Variants in CLCN5 observed in about 807,000 individuals in gnomAD.
CLCN5 encodes Cl-/H+ antiporter 5, also known as H(+)/Cl(-) exchange transporter 5.
CLCN5 carries 17 observed loss-of-function variants against 54.0 expected under a neutral mutation model. That is an observed-to-expected ratio of 0.31 (90% CI 0.22 to 0.47). The LOEUF is 0.47. CLCN5 is among the 20% of genes least tolerant of loss of function. The probability of loss-of-function intolerance (pLI) is 1.00; values close to 1 mark genes in which losing one functional copy is unlikely to be tolerated. For missense variants in CLCN5, 448 were observed against 646.7 expected, an observed-to-expected ratio of 0.69 and a Z score of 3.33; for synonymous variants, 222 against 233.0, an observed-to-expected ratio of 0.95 and a Z score of 0.43.
chrX:50,053,241 T>A (rs782704997), intron 4 of CLCN5, among the ~76,000 whole-genome samples: 36 of 111,581 alleles, frequency 3.2e-4, no homozygotes, highest in Admixed American at 6.7e-4. Flanking sequence ...CTCTTCAGAT[T>A]TTTCTGTTTC....
chrX:50,094,816 C>G lies in CLCN5; in HGVS notation c.*2597C>G, dbSNP rs1279540937. On this transcript the variant is annotated 3_prime_UTR_variant, in exon 15 of 15. Coordinates refer to ENST00000376091, the MANE Select transcript of CLCN5 (RefSeq NM_001127898.4). ...ATGGTATATGGTATCCACTATATGT[C>G]CAGTCCTATGGTTTGGCTCAAAGGT... The G allele has an allele frequency of 4.4e-5, 5 of 112,585 alleles. No individual in the cohort carries two copies. Among genetic ancestry groups the G allele is most frequent in the African/African-American group, 1.3e-4 (4 of 30,929 alleles). 9.3% of individuals were successfully genotyped at this position (112,585 alleles called of 1,213,427 possible).
intron 3 of CLCN5, among the ~76,000 whole-genome samples, chrX:49,933,258 A>T (rs1391060302): frequency 2.7e-5 from 3 of 112,255 alleles, no homozygotes; most frequent in African/African-American, 9.7e-5. Context: ...AATTTAAAAA[A>T]TTTAAAAAGA....
intron 3 of CLCN5, among the ~76,000 whole-genome samples, chrX:49,980,120 A>G (rs537265778): frequency 1.2e-3 from 131 of 111,219 alleles, no homozygotes; most frequent in Middle Eastern, 9.3e-3. Context: ...ATGCTGAATT[A>G]TATGTCTATA....
At chrX:49,990,933 C>T (rs1929227855) in intron 3 of CLCN5, among the ~76,000 whole-genome samples, 1 of 112,302 alleles carries the variant, frequency 8.9e-6, no homozygotes, top group Admixed American at 9.4e-5. Context: ...ATGTATATGC[C>T]ACATTTTCTT....
intron 3 of CLCN5, among the ~76,000 whole-genome samples, chrX:49,998,349 T>C (rs1929630977): frequency 9.0e-6 from 1 of 111,601 alleles, no homozygotes; most frequent in Non-Finnish European, 1.9e-5. Flanking sequence ...CACAGGAATA[T>C]ATACTTAATG....
chrX:49,923,857 C>T (rs1925195327), intron 2 of CLCN5: 1 of 112,362 alleles, frequency 8.9e-6, no homozygotes, highest in African/African-American at 3.2e-5. Flanking sequence ...TTAAAGAAGG[C>T]CAACACGATT....
Position 50,096,698 on chromosome X carries a change from G to A in CLCN5, c.*4479G>A, listed in dbSNP as rs1028962795. ...ACTAAAAGTTATGGCCATAGAAAAAGCCCTGGTAAGAAAATATTTGAATGG... is the reference window on the plus strand; with the variant it reads ...ACTAAAAGTTATGGCCATAGAAAAAACCCTGGTAAGAAAATATTTGAATGG... On this transcript the variant is annotated 3_prime_UTR_variant, in exon 15 of 15. Transcript: ENST00000376091. 2.7e-5 allele frequency: 3 copies of A among 112,631 alleles called. No individual in the cohort carries two copies. The highest frequency in any genetic ancestry group is 9.8e-5 in the African/African-American group (3 of 30,651). The allele number at this position is 112,631 out of a possible 1,213,427, so 9.3% of individuals were successfully genotyped here. A position where few individuals can be genotyped will look rare whatever the true frequency, so the allele number is the denominator to read the frequency against.
chrX:50,025,254 G>A (rs1432789868), intron 3 of CLCN5, among the ~76,000 whole-genome samples: 1 of 60,914 alleles, frequency 1.6e-5, no homozygotes, highest in African/African-American at 6.5e-5. Context: ...AGGTGCGTCC[G>A]TCACCCCTTT....
intron 4 of CLCN5, chrX:50,054,739 A>G (rs1276013203): frequency 8.9e-6 from 1 of 112,201 alleles, no homozygotes; most frequent in Non-Finnish European, 1.9e-5. Context: ...AAGAAAGATC[A>G]TTGATTTTTT....
chrX:50,009,872 T>C, intron 3 of CLCN5: 1 of 357,012 alleles, frequency 2.8e-6, no homozygotes, highest in Non-Finnish European at 5.7e-6. Context: ...GCCTGCCTGC[T>C]CTCTGACCCT....
chrX:50,016,450 T>G (rs1476147408), intron 3 of CLCN5, among the ~76,000 whole-genome samples: 1 of 110,582 alleles, frequency 9.0e-6, no homozygotes, highest in Non-Finnish European at 1.9e-5. Flanking sequence ...CACCCCAGTT[T>G]CCGCTATTAA....
intron 4 of CLCN5, among the ~76,000 whole-genome samples, chrX:50,053,303 C>T (rs1427777561): frequency 9.0e-6 from 1 of 111,490 alleles, no homozygotes; most frequent in Non-Finnish European, 1.9e-5. Flanking sequence ...GTCCATTTCA[C>T]CTGTTAGTAA....
chrX:50,057,336 C>T (rs1932767950), intron 4 of CLCN5, among the ~76,000 whole-genome samples: 1 of 102,573 alleles, frequency 9.7e-6, no homozygotes, highest in East Asian at 3.3e-4. Context: ...GAATAAGTGT[C>T]CCAGGGGTCA....
intron 3 of CLCN5, among the ~76,000 whole-genome samples, chrX:49,999,901 T>C (rs1557180116): frequency 8.9e-6 from 1 of 111,752 alleles, no homozygotes; most frequent in Non-Finnish European, 1.9e-5. Context: ...ATGACAGTTA[T>C]TTACATTGTA....
At chrX:50,054,158 C>T (rs1330026648) in intron 4 of CLCN5, among the ~76,000 whole-genome samples, 4 of 110,895 alleles carry the variant, frequency 3.6e-5, no homozygotes, top group Non-Finnish European at 5.7e-5. Flanking sequence ...GTGGCTGTGA[C>T]CTTCATACAT....
intron 3 of CLCN5, among the ~76,000 whole-genome samples, chrX:50,026,677 A>G (rs1447940554): frequency 1.8e-5 from 2 of 111,852 alleles, no homozygotes; most frequent in Non-Finnish European, 3.8e-5. Context: ...TGAAATTAAT[A>G]TACCTACTCC....
chrX:50,091,399 C>T (rs927675691), intron 14 of CLCN5, among the ~76,000 whole-genome samples: 1 of 112,104 alleles, frequency 8.9e-6, no homozygotes, highest in African/African-American at 3.2e-5. Flanking sequence ...AAAGGGAACC[C>T]TTCTATTTTT....
chrX:49,984,783 T>A (rs1447994057), intron 3 of CLCN5, among the ~76,000 whole-genome samples: 2 of 110,334 alleles, frequency 1.8e-5, no homozygotes, highest in South Asian at 3.9e-4. Context: ...CTCAACTATT[T>A]AAAAAATTTT....
chrX:49,927,955 G>T (rs955732190), intron 3 of CLCN5, among the ~76,000 whole-genome samples: 2 of 112,099 alleles, frequency 1.8e-5, no homozygotes, highest in Admixed American at 1.9e-4. Flanking sequence ...GTTAAAAAAT[G>T]TGGATCTCAT....
Sources: allele counts gnomAD v4.1 joint callset (sites outside exome capture counted in the v4.1 genomes callset), GRCh38; gene constraint gnomAD v4.1.1; transcripts MANE v1.5; gene names NCBI Gene and HGNC (gene_info 2026-07-23, HGNC 2026-07-21).